The following ERBB4 variants were observed in gnomAD, a reference collection of about 807,000 sequenced individuals.
ERBB4 encodes receptor tyrosine-protein kinase erbB-4.
Under a neutral mutation model 158.0 loss-of-function variants are expected in ERBB4, and 42 were observed. That is an observed-to-expected ratio of 0.27 (90% CI 0.21 to 0.34). The LOEUF (loss-of-function observed/expected upper bound fraction) is 0.34. Among genes scored for constraint, ERBB4 ranks in the 10% least tolerant of loss-of-function variants. The pLI, the probability that ERBB4 is intolerant of heterozygous loss-of-function variation, is 1.00. For synonymous variants in ERBB4, 583 were observed against 558.7 expected, an observed-to-expected ratio of 1.04 and a Z score of -0.61; for missense variants, 1,333 against 1,624.1, an observed-to-expected ratio of 0.82 and a Z score of 3.08.
chr2:212,342,385 T>C (rs1340053466), intron 1 of ERBB4, among the ~76,000 whole-genome samples: 1 of 152,140 alleles, frequency 6.6e-6, no homozygotes, highest in African/African-American at 2.4e-5. Flanking sequence ...TGAGATCTGA[T>C]GGTTCCATAA....
intron 1 of ERBB4, among the ~76,000 whole-genome samples, chr2:212,526,195 T>C (rs1692437228): frequency 6.6e-6 from 1 of 151,948 alleles, no homozygotes; most frequent in East Asian, 1.9e-4. Flanking sequence ...ACTGAGTCAG[T>C]TTGTAGGAGT....
At chr2:211,384,196 A>G in intron 27 of ERBB4, 136 bp from the exon 28 acceptor site, 1 of 672,218 alleles carries the variant, frequency 1.5e-6, no homozygotes, top group Non-Finnish European at 2.5e-6. Flanking sequence ...TCTCACAACA[A>G]GTATTTGTGG....
chr2:212,344,535 T>TAC (rs1484881261), intron 1 of ERBB4, among the ~76,000 whole-genome samples: 1 of 152,020 alleles, frequency 6.6e-6, no homozygotes, highest in East Asian at 1.9e-4. Flanking sequence ...TGTATATATA[T>TAC]ACACACACAT....
At chr2:212,463,431 T>G (rs79801235) in intron 1 of ERBB4, among the ~76,000 whole-genome samples, 1 of 152,012 alleles carries the variant, frequency 6.6e-6, no homozygotes, top group Admixed American at 6.6e-5. Context: ...TGCTTTAGAT[T>G]AAGATATATC....
At position 212,222,504 on chromosome 2, in the gene ERBB4, C is replaced by T. The variant is rs1048554522; in HGVS notation, c.83-97601G>A. On this transcript the variant is annotated intron_variant, in intron 1 of 27. Transcript: ENST00000342788. ...ATGACTTTTTTACTGCCAAACCTAACGGAAACTTTTCAATTCTTAACCTAC... is the reference window on the plus strand; with the variant it reads ...ATGACTTTTTTACTGCCAAACCTAATGGAAACTTTTCAATTCTTAACCTAC... Among the ~76,000 whole-genome samples the T allele has an allele frequency of 6.6e-5, 10 of 151,486 alleles. No homozygotes were observed. The Middle Eastern group carries it at 0.014, about 206-fold the overall frequency.
intron 1 of ERBB4, among the ~76,000 whole-genome samples, chr2:212,525,204 A>T (rs1003437849): frequency 6.6e-6 from 1 of 152,088 alleles, no homozygotes; most frequent in African/African-American, 2.4e-5. Flanking sequence ...AAAGAAAAAA[A>T]TAAACAGTAA....
intron 1 of ERBB4, among the ~76,000 whole-genome samples, chr2:212,356,235 A>G (rs1466051143): frequency 6.6e-6 from 1 of 151,978 alleles, no homozygotes; most frequent in East Asian, 1.9e-4. Context: ...GCAGTCAACC[A>G]TGTTGCTGTA....
At chr2:211,587,735 G>A (rs760111009) in intron 19 of ERBB4, among the ~76,000 whole-genome samples, 36 of 152,056 alleles carry the variant, frequency 2.4e-4, no homozygotes, top group Non-Finnish European at 4.0e-4. Flanking sequence ...GATAGGCCAC[G>A]AGGAAACAAA....
intron 3 of ERBB4, among the ~76,000 whole-genome samples, chr2:211,919,758 G>C (rs1460945092): frequency 6.6e-6 from 1 of 151,970 alleles, no homozygotes; most frequent in Admixed American, 6.6e-5. Context: ...TGCATGGTCT[G>C]TGATAAACAG....
intron 11 of ERBB4, 101 bp from the exon 12 acceptor site, chr2:211,702,267 T>C (rs2073282437): frequency 8.1e-6 from 7 of 869,336 alleles, no homozygotes; most frequent in Middle Eastern, 2.8e-4. Flanking sequence ...GGTGTATAAA[T>C]GGAAACTGAA....
intron 1 of ERBB4, among the ~76,000 whole-genome samples, chr2:212,290,154 C>T (rs114777626): frequency 0.013 from 2,044 of 152,150 alleles, 48 homozygotes; most frequent in African/African-American, 0.046. Context: ...ATTCTTTTAA[C>T]TACAGAAATC....
At chr2:211,700,722 C>T (rs1394506672) in intron 12 of ERBB4, among the ~76,000 whole-genome samples, 2 of 152,138 alleles carry the variant, frequency 1.3e-5, no homozygotes, top group East Asian at 3.9e-4. Flanking sequence ...CACACGCACA[C>T]ACTCACACGT....
intron 1 of ERBB4, among the ~76,000 whole-genome samples, chr2:212,359,740 T>C (rs1016323628): frequency 6.6e-6 from 1 of 151,796 alleles, no homozygotes; most frequent in Non-Finnish European, 1.5e-5. Context: ...AATATTCTAT[T>C]GTGAAGATTG....
chr2:211,644,042 C>A (rs1211652235), intron 16 of ERBB4, among the ~76,000 whole-genome samples: 8 of 151,970 alleles, frequency 5.3e-5, no homozygotes, highest in African/African-American at 1.9e-4. Flanking sequence ...TCCAAGTTTT[C>A]TAATTTCTGG....
intron 2 of ERBB4, among the ~76,000 whole-genome samples, chr2:212,016,814 C>T (rs2076539458): frequency 6.6e-6 from 1 of 151,936 alleles, no homozygotes; most frequent in Non-Finnish European, 1.5e-5. Context: ...CTCCTCAATG[C>T]CTCATTTTCT....
chr2:211,759,637 C>T (rs2075361499), intron 4 of ERBB4, among the ~76,000 whole-genome samples: 1 of 152,100 alleles, frequency 6.6e-6, no homozygotes, highest in African/African-American at 2.4e-5. Flanking sequence ...TAGATGTCAC[C>T]TCTCCATGAC....
chr2:211,757,844 A>G (rs1398778057), intron 4 of ERBB4, among the ~76,000 whole-genome samples: 2 of 152,200 alleles, frequency 1.3e-5, no homozygotes, highest in African/African-American at 4.8e-5. Context: ...AGGGGACATG[A>G]CAGTGGTAGA....
intron 1 of ERBB4, among the ~76,000 whole-genome samples, chr2:212,533,437 TAAG>T (rs1412510596): frequency 2.0e-5 from 3 of 152,172 alleles, no homozygotes; most frequent in Admixed American, 6.5e-5. Context: ...CTGAAGGTAT[TAAG>T]AAACTCGAGA....
At chr2:211,568,179 T>C (rs2067609250) in intron 19 of ERBB4, among the ~76,000 whole-genome samples, 1 of 152,028 alleles carries the variant, frequency 6.6e-6, no homozygotes, top group Non-Finnish European at 1.5e-5. Flanking sequence ...GTTTTCTCAT[T>C]GAACAGAAGG....
Sources: gnomAD v4.1 joint callset for allele counts (sites outside exome capture counted in the v4.1 genomes callset) on GRCh38, gnomAD v4.1.1 for gene constraint, MANE v1.5 for transcripts, NCBI Gene and HGNC (gene_info 2026-07-23, HGNC 2026-07-21) for gene names.